The following DNAJC1 variants were observed in gnomAD, a reference collection of about 807,000 sequenced individuals.
DNAJC1 encodes dnaJ homolog subfamily C member 1.
Under a neutral mutation model 76.6 loss-of-function variants are expected in DNAJC1, and 58 were observed. The ratio of observed to expected loss-of-function variants is 0.76; its 90% CI spans 0.61 to 0.94. The LOEUF (loss-of-function observed/expected upper bound fraction) is 0.94. Ranked by LOEUF, DNAJC1 falls within the 40% of genes least tolerant of loss-of-function variation. The pLI, the probability that DNAJC1 is intolerant of heterozygous loss-of-function variation, is 0.00. For missense variants in DNAJC1, 689 were observed against 677.3 expected (o/e 1.02, Z -0.19); for synonymous variants, 258 against 267.9 (o/e 0.96, Z 0.36).
At chr10:21,806,660 A>T (rs1834887409) in intron 8 of DNAJC1, among the ~76,000 whole-genome samples, 1 of 152,152 alleles carries the variant, frequency 6.6e-6, no homozygotes, top group Non-Finnish European at 1.5e-5. Flanking sequence ...ATTCAATTTT[A>T]AAATAATATT....
At chr10:21,857,878 A>C (rs35759613) in intron 8 of DNAJC1, among the ~76,000 whole-genome samples, 11,986 of 151,932 alleles carry the variant, frequency 0.079, 604 homozygotes, top group Middle Eastern at 0.22. Flanking sequence ...AACAAACAAA[A>C]AAAAAAACCG....
chr10:21,899,715 C>T (rs893233450), intron 7 of DNAJC1, among the ~76,000 whole-genome samples: 2 of 152,196 alleles, frequency 1.3e-5, no homozygotes, highest in African/African-American at 4.8e-5. Flanking sequence ...GGAATGGGAT[C>T]AGGGACCTAC....
chr10:21,756,596 G>C lies in DNAJC1; in HGVS notation c.*91C>G, dbSNP rs967350514. ...TTTTTTTACTAAGGCACATGACGTAGAAATATTGAGGTACAAAATGCAAAT... is the reference window on the plus strand; with the variant it reads ...TTTTTTTACTAAGGCACATGACGTACAAATATTGAGGTACAAAATGCAAAT... On this transcript the variant is annotated 3_prime_UTR_variant, in exon 12 of 12. Transcript: ENST00000376980. The C allele has an allele frequency of 3.4e-6, 3 of 872,208 alleles. No individual in the cohort carries two copies. Among genetic ancestry groups the C allele is most frequent in the Non-Finnish European group, 5.7e-6 (3 of 522,856 alleles). The allele number at this position is 872,208 out of a possible 1,614,324, so 54.0% of individuals were successfully genotyped here.
intron 9 of DNAJC1, among the ~76,000 whole-genome samples, chr10:21,793,011 A>T (rs1269440709): frequency 6.6e-6 from 1 of 152,120 alleles, no homozygotes; most frequent in Non-Finnish European, 1.5e-5. Context: ...CCTTAGATAA[A>T]AAGCTTCTAT....
At chr10:21,808,238 T>C (rs1490446083) in intron 8 of DNAJC1, among the ~76,000 whole-genome samples, 1 of 152,156 alleles carries the variant, frequency 6.6e-6, no homozygotes, top group Non-Finnish European at 1.5e-5. Context: ...AATCATTGTT[T>C]CAGGTAGTAA....
chr10:21,896,961 T>C (rs1314775462), intron 7 of DNAJC1, among the ~76,000 whole-genome samples: 5 of 152,194 alleles, frequency 3.3e-5, no homozygotes, highest in African/African-American at 1.2e-4. Context: ...CATGTGTTTG[T>C]GCCCTCCGGA....
intron 1 of DNAJC1, among the ~76,000 whole-genome samples, chr10:21,939,579 T>C (rs920476492): frequency 4.6e-5 from 7 of 152,190 alleles, no homozygotes; most frequent in South Asian, 2.1e-4. Context: ...TGTGTTACAA[T>C]TGCCTGCAGT....
chr10:21,897,393 C>A (rs947814198), intron 7 of DNAJC1, among the ~76,000 whole-genome samples: 1 of 152,014 alleles, frequency 6.6e-6, no homozygotes, highest in Non-Finnish European at 1.5e-5. Context: ...AAATTCAACA[C>A]CCCGTCATGA....
intron 9 of DNAJC1, among the ~76,000 whole-genome samples, chr10:21,779,192 C>G (rs1048412732): frequency 6.6e-6 from 1 of 152,228 alleles, no homozygotes; most frequent in African/African-American, 2.4e-5. Flanking sequence ...AAACAAAAGA[C>G]AGCAATAACC....
chr10:21,865,481 C>G (rs561318992), intron 8 of DNAJC1: 1 of 152,198 alleles, frequency 6.6e-6, no homozygotes, highest in South Asian at 2.1e-4. Flanking sequence ...AGAATTTACA[C>G]TGTATGATTA....
intron 7 of DNAJC1, among the ~76,000 whole-genome samples, chr10:21,885,666 A>T (rs978712368): frequency 3.9e-5 from 6 of 152,000 alleles, no homozygotes; most frequent in Non-Finnish European, 8.8e-5. Flanking sequence ...CAATAAAAAC[A>T]GAAGACTAAG....
chr10:21,983,615 G>A (rs1838191919), intron 1 of DNAJC1, among the ~76,000 whole-genome samples: 1 of 152,060 alleles, frequency 6.6e-6, no homozygotes, highest in African/African-American at 2.4e-5. Flanking sequence ...CAGCTACTGG[G>A]GAGGCTGAGG....
intron 8 of DNAJC1, among the ~76,000 whole-genome samples, chr10:21,817,568 T>TA (rs1475678144): frequency 6.6e-6 from 1 of 152,052 alleles, no homozygotes; most frequent in Admixed American, 6.5e-5. Context: ...ATGATTTTCT[T>TA]AAGACCTCCT....
At chr10:21,823,842 G>T (rs1835198629) in intron 8 of DNAJC1, among the ~76,000 whole-genome samples, 1 of 151,896 alleles carries the variant, frequency 6.6e-6, no homozygotes, top group Admixed American at 6.6e-5. Flanking sequence ...CAGTCTGTGG[G>T]CATCATGGGT....
rs1200961138 is a variant in DNAJC1 at position 21,759,461 on chromosome 10, G to A, written c.1305C>T (p.Thr435=). Residue 435 remains threonine, a synonymous_variant, in exon 11 of 12, where the codon ACC becomes ACT. Coordinates refer to ENST00000376980, the MANE Select transcript of DNAJC1 (RefSeq NM_022365.4). ...TCCGAGGCCGGGCATCAGTGGCCCC[G>A]GTCTCCTGCTCACCGGAGTCTCCCT... ...EQEGDSGEQE[T]GATDARPRRR... 20 of 1,614,014 alleles carry A rather than the reference G, an allele frequency of 1.2e-5. No individual in the cohort carries two copies. Among genetic ancestry groups the A allele is most frequent in the African/African-American group, 2.7e-5 (2 of 74,936 alleles).
chr10:21,987,877 G>C (rs1228251555), intron 1 of DNAJC1, among the ~76,000 whole-genome samples: 3 of 152,022 alleles, frequency 2.0e-5, no homozygotes, highest in Non-Finnish European at 4.4e-5. Context: ...CTTCTCATTA[G>C]CCCATGTTTC....
intron 7 of DNAJC1, among the ~76,000 whole-genome samples, chr10:21,901,363 G>C (rs568694734): frequency 6.6e-6 from 1 of 151,874 alleles, no homozygotes; most frequent in East Asian, 1.9e-4. Context: ...ATGCGATATG[G>C]GCTGTTTTAG....
At chr10:21,902,407 C>T (rs979063687) in intron 7 of DNAJC1, among the ~76,000 whole-genome samples, 3 of 152,072 alleles carry the variant, frequency 2.0e-5, no homozygotes, top group South Asian at 2.1e-4. Flanking sequence ...CGGGTTCAGG[C>T]GATTCTCCTG....
intron 7 of DNAJC1, among the ~76,000 whole-genome samples, chr10:21,885,858 C>T (rs898859099): frequency 3.3e-5 from 5 of 152,190 alleles, no homozygotes; most frequent in African/African-American, 7.2e-5. Context: ...AAATTCATAG[C>T]GCTAAATGCC....
Sources: gnomAD v4.1 joint callset for allele counts (sites outside exome capture counted in the v4.1 genomes callset) on GRCh38, gnomAD v4.1.1 for gene constraint, MANE v1.5 for transcripts, NCBI Gene and HGNC (gene_info 2026-07-23, HGNC 2026-07-21) for gene names.